Variants in DDX46 observed in about 807,000 individuals in gnomAD.
DDX46 encodes probable ATP-dependent RNA helicase DDX46.
A neutral mutation model predicts 134.9 loss-of-function variants in DDX46; 30 were observed. The observed-to-expected ratio is 0.22, with a 90% CI of 0.17 to 0.30. The LOEUF is 0.30. Among genes scored for constraint, DDX46 ranks in the 10% least tolerant of loss-of-function variants. The pLI is 1.00. For synonymous variants in DDX46, 415 were observed against 404.1 expected (o/e 1.03, Z -0.32); for missense variants, 622 against 1,248.7 (o/e 0.50, Z 7.56).
At chr5:134,816,388 T>G (rs1755288310) in intron 18 of DDX46, 42 bp from the exon 19 acceptor site, 1 of 1,522,772 alleles carries the variant, frequency 6.6e-7, no homozygotes, top group African/African-American at 1.4e-5. Flanking sequence ...TTGGTATTTC[T>G]AATTCAGTTT....
chr5:134,779,787 G>A (rs1580785383), intron 6 of DDX46, among the ~76,000 whole-genome samples: 1 of 152,288 alleles, frequency 6.6e-6, no homozygotes, highest in East Asian at 1.9e-4. Context: ...ACTGTACCTA[G>A]CCTAGTAGTA....
intron 13 of DDX46, among the ~76,000 whole-genome samples, chr5:134,792,192 A>T (rs1052414006): frequency 2.0e-5 from 3 of 151,828 alleles, no homozygotes; most frequent in African/African-American, 7.3e-5. Flanking sequence ...ATAATAATAT[A>T]ATAATAATAA....
chr5:134,788,272 T>A (rs1754400698), intron 11 of DDX46, among the ~76,000 whole-genome samples: 2 of 152,050 alleles, frequency 1.3e-5, no homozygotes, highest in Admixed American at 1.3e-4. Flanking sequence ...AGTTCATTTC[T>A]TGGTTTTGAG....
chr5:134,772,201 C>A (rs1411511484), intron 4 of DDX46, among the ~76,000 whole-genome samples: 1 of 151,498 alleles, frequency 6.6e-6, no homozygotes, highest in African/African-American at 2.4e-5. Flanking sequence ...CATTGCACTC[C>A]AGCCTGGGCA....
chr5:134,814,213 G>GGTAT (rs1461477310), intron 18 of DDX46, among the ~76,000 whole-genome samples: 2 of 151,928 alleles, frequency 1.3e-5, no homozygotes, highest in African/African-American at 2.4e-5. Flanking sequence ...CTTTATCATA[G>GGTAT]GTATGTATGT....
chr5:134,772,124 G>C (rs1005130092), intron 4 of DDX46, among the ~76,000 whole-genome samples: 13 of 152,130 alleles, frequency 8.5e-5, no homozygotes, highest in African/African-American at 3.1e-4. Context: ...CCAGCTACTT[G>C]GGAGACTGAG....
At chr5:134,807,991 G>C (rs1161228382) in intron 16 of DDX46, 50 bp downstream of exon 16, 1 of 1,481,744 alleles carries the variant, frequency 6.7e-7, no homozygotes, top group Non-Finnish European at 9.1e-7. Context: ...AAATACAGGT[G>C]TTTCTTTAGT....
chr5:134,777,827 G>T, intron 6 of DDX46, 102 bp downstream of exon 6: 1 of 1,373,828 alleles, frequency 7.3e-7, no homozygotes, highest in Non-Finnish European at 9.7e-7. Flanking sequence ...AAAGCTAACA[G>T]TTTTCTTTCT....
At chr5:134,828,043 C>A (rs986897068) in intron 22 of DDX46, among the ~76,000 whole-genome samples, 3 of 152,186 alleles carry the variant, frequency 2.0e-5, no homozygotes, top group Non-Finnish European at 4.4e-5. Context: ...TAAACTTAAA[C>A]AATGACTTAA....
At chr5:134,782,823 C>G (rs1359948965) in intron 8 of DDX46, 122 bp from the exon 9 acceptor site, 55 of 1,257,286 alleles carry the variant, frequency 4.4e-5, no homozygotes, top group Non-Finnish European at 5.8e-5. Context: ...GCTAGGATTA[C>G]AGGTGTGAGC....
chr5:134,806,697 C>A (rs944723210), intron 15 of DDX46, among the ~76,000 whole-genome samples: 15 of 152,092 alleles, frequency 9.9e-5, no homozygotes, highest in Admixed American at 4.6e-4. Context: ...TAATTATTTA[C>A]GTGCTAAACA....
At chr5:134,800,122 A>AT (rs1339792063) in intron 15 of DDX46, among the ~76,000 whole-genome samples, 1 of 151,922 alleles carries the variant, frequency 6.6e-6, no homozygotes, top group Non-Finnish European at 1.5e-5. Flanking sequence ...TAATTTTTGT[A>AT]TTTTTAGTAG....
intron 15 of DDX46, among the ~76,000 whole-genome samples, chr5:134,803,614 G>A (rs1754896390): frequency 6.6e-6 from 1 of 152,176 alleles, no homozygotes; most frequent in Admixed American, 6.5e-5. Flanking sequence ...GCCAGTGCCA[G>A]TGCAATACTT....
intron 9 of DDX46, among the ~76,000 whole-genome samples, chr5:134,783,877 G>T (rs1235372676): frequency 2.0e-5 from 3 of 148,854 alleles, no homozygotes; most frequent in East Asian, 2.0e-4. Flanking sequence ...AAGAGATGGG[G>T]TGTCGCTATG....
intron 18 of DDX46, among the ~76,000 whole-genome samples, chr5:134,814,239 G>A (rs534563577): frequency 6.6e-6 from 1 of 152,258 alleles, no homozygotes; most frequent in African/African-American, 2.4e-5. Flanking sequence ...AAAAAACAGT[G>A]TATGTCGGTG....
At position 134,773,933 on chromosome 5, in the gene DDX46, G is replaced by A. The variant is rs555492367; in HGVS notation, c.613+72G>A. 23 of 1,372,214 alleles carry A rather than the reference G, an allele frequency of 1.7e-5. No homozygotes were observed. The African/African-American group carries it at 2.6e-4, about 16-fold the overall frequency. The allele number at this position is 1,372,214 out of a possible 1,614,324, so 85.0% of individuals were successfully genotyped here. A position where few individuals can be genotyped will look rare whatever the true frequency, so the allele number is the denominator to read the frequency against. On this transcript the variant is annotated intron_variant, in intron 5 of 22. Transcript: ENST00000452510. ...TTATATGAATAATATTTCATAAGGGGTTTTTAATCTTTTTTATTGTTGAAA... is the reference window on the plus strand; with the variant it reads ...TTATATGAATAATATTTCATAAGGGATTTTTAATCTTTTTTATTGTTGAAA...
Position 134,828,831 on chromosome 5 carries a change from T to C in DDX46, c.*125T>C, listed in dbSNP as rs1755659887. On this transcript the variant is annotated 3_prime_UTR_variant, in exon 23 of 23. Coordinates refer to ENST00000452510, the MANE Select transcript of DDX46 (RefSeq NM_001300860.2). ...CTATCTTGCTGATTTTTTTTAAATATAAGAAACTGGTACTTGGTAAAGAAA... is the reference window on the plus strand; with the variant it reads ...CTATCTTGCTGATTTTTTTTAAATACAAGAAACTGGTACTTGGTAAAGAAA... 6.5e-6 allele frequency: 4 copies of C among 615,714 alleles called. No homozygotes were observed. In the East Asian group the frequency reaches 1.3e-4, roughly 21 times the overall value. The allele number at this position is 615,714 out of a possible 1,614,324, so 38.1% of individuals were successfully genotyped here.
chr5:134,782,948 T>A lies in DDX46; in HGVS notation c.1049T>A (p.Val350Glu). 6.2e-7 allele frequency: 1 copy of A among 1,613,218 alleles called. No homozygotes were observed. ...TAATCTGGGTTTTGTTTTGTAGAGG[T>A]AAATGTGTTTCGATTGGAAATGGAG... ...PELAKMSQEEVNVFRLEMEGI... is the reference protein window; with the variant it reads ...PELAKMSQEEENVFRLEMEGI... The change falls in exon 9 of 23, where the codon GTA (valine) becomes GAA (glutamate). Residue 350 changes from valine to glutamate, a missense_variant. Physicochemically the swap from Val to Glu is moderately radical, Grantham distance 121. This residue lies in a region of DDX46 where 63 missense variants were observed against 84.0 expected (regional missense o/e 0.75). Coordinates refer to ENST00000452510, the MANE Select transcript of DDX46 (RefSeq NM_001300860.2).
At chr5:134,806,597 G>A (rs1284190785) in intron 15 of DDX46, among the ~76,000 whole-genome samples, 1 of 152,100 alleles carries the variant, frequency 6.6e-6, no homozygotes, top group African/African-American at 2.4e-5. Flanking sequence ...TTAGATTCCA[G>A]TTTCTTTGAC....
Sources: gnomAD v4.1 joint callset for allele counts (sites outside exome capture counted in the v4.1 genomes callset) on GRCh38, gnomAD v4.1.1 for gene constraint, gnomAD v4.1.1 regional missense constraint, MANE v1.5 for transcripts, NCBI Gene and HGNC (gene_info 2026-07-23, HGNC 2026-07-21) for gene names.